LRRC7: variants seen among roughly 807,000 people sequenced by gnomAD.
LRRC7 encodes the protein leucine rich repeat containing 7, also known as leucine-rich repeat-containing protein 7.
In LRRC7, 23 loss-of-function variants were observed where a neutral mutation model predicts 175.7. The ratio of observed to expected loss-of-function variants is 0.13; its 90% confidence interval spans 0.09 to 0.19. The LOEUF (loss-of-function observed/expected upper bound fraction) is 0.19, where lower values mean the gene tolerates loss of function less well. Ranked by LOEUF, LRRC7 falls within the 10% of genes least tolerant of loss-of-function variation. LRRC7 has a pLI of 1.00. For synonymous variants in LRRC7, 685 were observed against 680.9 expected (o/e 1.01, Z -0.09); for missense variants, 1,354 against 1,904.7 (o/e 0.71, Z 5.38).
At chr1:69,615,374 T>G (rs938355472) in intron 1 of LRRC7, among the ~76,000 whole-genome samples, 1 of 152,024 alleles carries the variant, frequency 6.6e-6, no homozygotes, top group African/African-American at 2.4e-5. Flanking sequence ...TGTTTTTGCT[T>G]TCCTTGTAAT....
intron 7 of LRRC7, among the ~76,000 whole-genome samples, chr1:69,863,399 A>G (rs974475084): frequency 6.6e-6 from 1 of 152,196 alleles, no homozygotes; most frequent in Non-Finnish European, 1.5e-5. Flanking sequence ...GTCCTTGAGA[A>G]CAGGAATCTT....
intron 2 of LRRC7, among the ~76,000 whole-genome samples, chr1:69,750,501 C>G (rs1669748477): frequency 6.6e-6 from 1 of 152,164 alleles, no homozygotes; most frequent in African/African-American, 2.4e-5. Context: ...TTGGTTTGAA[C>G]AAAGATAAAT....
Position 70,029,433 on chromosome 1 carries a change from C to T in LRRC7, c.1995+1062C>T, listed in dbSNP as rs528077895. On this transcript the variant is annotated intron_variant, in intron 18 of 26. Coordinates refer to ENST00000651989, the MANE Select transcript of LRRC7 (RefSeq NM_001370785.2). ...CTTGAGCAAAAATAAGCATAGTGTG[C>T]ACATCTGCCAGCAGAGGTACCAACC... 3.3e-5 allele frequency among the ~76,000 whole-genome samples: 5 copies of T among 152,046 alleles called. No homozygotes were observed. The East Asian group carries it at 9.7e-4, about 29-fold the overall frequency.
At chr1:69,814,533 G>A (rs1257073391) in intron 4 of LRRC7, among the ~76,000 whole-genome samples, 1 of 152,052 alleles carries the variant, frequency 6.6e-6, no homozygotes, top group Non-Finnish European at 1.5e-5. Flanking sequence ...AATTCAACAA[G>A]AAATGACTAA....
At chr1:69,659,927 T>C (rs1286809898) in intron 1 of LRRC7, among the ~76,000 whole-genome samples, 3 of 151,044 alleles carry the variant, frequency 2.0e-5, no homozygotes, top group African/African-American at 7.3e-5. Flanking sequence ...GCAAAATCTG[T>C]ATAAATAGCA....
intron 2 of LRRC7, among the ~76,000 whole-genome samples, chr1:69,722,046 C>T (rs778337370): frequency 6.6e-6 from 1 of 151,832 alleles, no homozygotes; most frequent in East Asian, 1.9e-4. Flanking sequence ...CTATCCCTAG[C>T]CAATTTCCCT....
At chr1:69,786,707 T>A (rs1674487286) in intron 3 of LRRC7, among the ~76,000 whole-genome samples, 1 of 152,034 alleles carries the variant, frequency 6.6e-6, no homozygotes, top group African/African-American at 2.4e-5. Context: ...ATTTATTCAA[T>A]CACAAAAACA....
chr1:69,994,687 A>T, intron 11 of LRRC7, 54 bp downstream of exon 11: 1 of 1,187,576 alleles, frequency 8.4e-7, no homozygotes, highest in Non-Finnish European at 1.2e-6. Flanking sequence ...AAACTAAAGG[A>T]TATATTGAGT....
At chr1:69,877,928 C>G (rs1443443559) in intron 7 of LRRC7, among the ~76,000 whole-genome samples, 1 of 151,802 alleles carries the variant, frequency 6.6e-6, no homozygotes, top group Non-Finnish European at 1.5e-5. Context: ...GAAAACAACA[C>G]GTGTGATAAG....
At chr1:70,026,830 A>G (rs567999227) in intron 17 of LRRC7, among the ~76,000 whole-genome samples, 28 of 152,276 alleles carry the variant, frequency 1.8e-4, no homozygotes, top group South Asian at 4.1e-4. Flanking sequence ...GTGAAGTCCA[A>G]TTCTAGTATT....
At chr1:70,022,589 T>C (rs1026042751) in intron 16 of LRRC7, among the ~76,000 whole-genome samples, 1 of 152,204 alleles carries the variant, frequency 6.6e-6, no homozygotes, top group African/African-American at 2.4e-5. Context: ...TTACATTTGG[T>C]TTATTTATGT....
chr1:69,934,941 T>C (rs1557906523), intron 8 of LRRC7, among the ~76,000 whole-genome samples: 1 of 152,072 alleles, frequency 6.6e-6, no homozygotes, highest in Non-Finnish European at 1.5e-5. Context: ...CCCCAACAAC[T>C]CTACCATGGG....
intron 8 of LRRC7, among the ~76,000 whole-genome samples, chr1:69,966,257 T>C (rs1023433992): frequency 2.6e-5 from 4 of 152,172 alleles, no homozygotes; most frequent in Non-Finnish European, 5.9e-5. Flanking sequence ...CAGATTAAAA[T>C]TTTAATTTTA....
intron 2 of LRRC7, among the ~76,000 whole-genome samples, chr1:69,697,705 C>T (rs1340756): frequency 0.11 from 16,444 of 152,134 alleles, 1,474 homozygotes; most frequent in African/African-American, 0.25. Context: ...ATAGCTAAAG[C>T]TGACAGCCCA....
chr1:70,038,420 C>G lies in LRRC7; in HGVS notation c.2596C>G (p.His866Asp). 6.2e-7 allele frequency: 1 copy of G among 1,614,126 alleles called. No individual in the cohort carries two copies. Among genetic ancestry groups the G allele is most frequent in the African/African-American group, 1.3e-5 (1 of 75,030 alleles). ...TCCCCTGGAACTCGAGCAGTCTACA[C>G]ACAGACACACACCAGAAACAGAAGT... ...GVPLELEQST[H>D]RHTPETEVPP... is the part of the protein sequence containing the mutation. Residue 866 changes from histidine (H) to aspartate (D), a missense_variant, in exon 21 of 27, where the codon CAC becomes GAC. Physicochemically the swap from His to Asp is moderately conservative, Grantham distance 81. Around this residue, in one of 4 missense-constraint regions of LRRC7, gnomAD observed 1,032 missense variants for 1,227.2 expected, o/e 0.84. Transcript: ENST00000651989.
intron 25 of LRRC7, among the ~76,000 whole-genome samples, chr1:70,091,960 A>G (rs2102173106): frequency 6.6e-6 from 1 of 152,222 alleles, no homozygotes; most frequent in East Asian, 1.9e-4. Context: ...ACTGCCTTTC[A>G]CTTATTGACC....
intron 18 of LRRC7, among the ~76,000 whole-genome samples, chr1:70,034,167 T>G (rs1659063567): frequency 6.6e-6 from 1 of 152,168 alleles, no homozygotes; most frequent in South Asian, 2.1e-4. Flanking sequence ...GTACTGTTTC[T>G]CAAACTCATA....
intron 2 of LRRC7, among the ~76,000 whole-genome samples, chr1:69,756,510 T>C (rs1670446986): frequency 6.6e-6 from 1 of 151,728 alleles, no homozygotes; most frequent in African/African-American, 2.4e-5. Flanking sequence ...ATTTTAAAAC[T>C]TTCCGGTGGA....
chr1:69,705,860 GA>G (rs1260152728), intron 2 of LRRC7, among the ~76,000 whole-genome samples: 1 of 152,108 alleles, frequency 6.6e-6, no homozygotes, highest in African/African-American at 2.4e-5. Flanking sequence ...AACACTCTCA[GA>G]GGTAGGAACA....
Sources: gnomAD v4.1 joint callset for allele counts (sites outside exome capture counted in the v4.1 genomes callset) on GRCh38, gnomAD v4.1.1 for gene constraint, gnomAD v4.1.1 regional missense constraint, MANE v1.5 for transcripts, NCBI Gene and HGNC (gene_info 2026-07-23, HGNC 2026-07-21) for gene names.